MYBPC3: variants seen among roughly 807,000 people sequenced by gnomAD.
MYBPC3 encodes myosin binding protein C3.
In MYBPC3, 108 loss-of-function variants were observed where a neutral mutation model predicts 159.3. That is an observed-to-expected ratio of 0.68 (90% CI 0.58 to 0.80). The LOEUF is 0.80. Ranked by LOEUF, MYBPC3 falls within the 30% of genes least tolerant of loss-of-function variation. The probability of loss-of-function intolerance (pLI) is 0.00; values close to 1 mark genes in which losing one functional copy is unlikely to be tolerated. For synonymous variants in MYBPC3, 730 were observed against 702.0 expected (o/e 1.04, Z -0.63); for missense variants, 1,631 against 1,762.1 (o/e 0.93, Z 1.33).
intron 1 of MYBPC3, among the ~76,000 whole-genome samples, chr11:47,352,139 A>C (rs1256048138): frequency 6.6e-6 from 1 of 152,034 alleles, no homozygotes; most frequent in Non-Finnish European, 1.5e-5. Flanking sequence ...CAGGCTCATG[A>C]AGCAGATAAT....
Position 47,332,509 on chromosome 11 carries a change from CG to C in MYBPC3, c.3627+56del. 1.3e-6 allele frequency: 2 copies of C among 1,573,612 alleles called. No homozygotes were observed. The highest frequency in any genetic ancestry group is 1.7e-6 in the Non-Finnish European group (2 of 1,157,714). ...GGCTGGGGAGAGGACTGCTCAACGT[CG>C]GGGCCTGTGAGCCCTGCCTCCTGGT... On this transcript the variant is annotated intron_variant, in intron 32 of 34. Transcript: ENST00000545968. The surrounding 1 kb of genome is among the most constrained non-coding windows in gnomAD (Gnocchi z 4.2).
chr11:47,343,314 C>A, intron 13 of MYBPC3, 52 bp from the exon 14 acceptor site: 3 of 1,522,936 alleles, frequency 2.0e-6, no homozygotes, highest in Non-Finnish European at 2.6e-6. Context: ...GAAGTGAGCC[C>A]GAGACAAAAG....
intron 19 of MYBPC3, 47 bp downstream of exon 19, chr11:47,341,091 C>A: frequency 1.3e-6 from 2 of 1,565,860 alleles, no homozygotes; most frequent in Non-Finnish European, 1.7e-6. Flanking sequence ...GTGACAGGGG[C>A]TCCTGGCCCC....
chr11:47,347,585 G>T, intron 8 of MYBPC3, 66 bp downstream of exon 8: 2 of 1,558,462 alleles, frequency 1.3e-6, no homozygotes, highest in Non-Finnish European at 1.7e-6. Context: ...GCCAGATTGG[G>T]CTCCCACCCG....
intron 24 of MYBPC3, 47 bp downstream of exon 24, chr11:47,337,643 G>T: frequency 6.2e-7 from 1 of 1,608,672 alleles, no homozygotes; most frequent in South Asian, 1.1e-5. Context: ...CCTTCCCTCG[G>T]ATCTGTTTGG....
At position 47,352,681 on chromosome 11, in the gene MYBPC3, A is replaced by T. The variant is rs2095902050; in HGVS notation, c.-34T>A. The T allele has an allele frequency of 6.4e-7, 1 of 1,574,436 alleles. No homozygotes were observed. Among genetic ancestry groups the T allele is most frequent in the Non-Finnish European group, 8.6e-7 (1 of 1,161,116 alleles). ...ACGTCACACCAGGCACGAAGCAGGC[A>T]CAGGTCACCCAAAGAGGGACTGAGT... On this transcript the variant is annotated 5_prime_UTR_variant, in exon 1 of 35. Coordinates refer to ENST00000545968, the MANE Select transcript of MYBPC3 (RefSeq NM_000256.3).
At chr11:47,350,403 G>A (rs2095899449) in intron 3 of MYBPC3, 99 bp downstream of exon 3, 2 of 1,512,150 alleles carry the variant, frequency 1.3e-6, no homozygotes, top group African/African-American at 1.4e-5. Flanking sequence ...GGGGATTATA[G>A]GCCTGAGCCA....
chr11:47,352,292 C>T (rs943459078), intron 1 of MYBPC3, among the ~76,000 whole-genome samples: 22 of 152,000 alleles, frequency 1.4e-4, no homozygotes, highest in Non-Finnish European at 1.3e-4. Context: ...GGGCTCTGTC[C>T]GCGGGGAACC....
rs1436323948 is a variant in MYBPC3, at chr11:47,333,137, C to T, written c.3330+57G>A. ...TGAGGACAGTGAAGGGTAGCTGCGG[C>T]CTGGGTCTGCCGGGCCTAGGCAGGG... On this transcript the variant is annotated intron_variant, in intron 30 of 34. Transcript: ENST00000545968. 7 of 1,561,962 alleles carry T rather than the reference C, an allele frequency of 4.5e-6. No homozygotes were observed. In the African/African-American group the frequency reaches 8.1e-5, roughly 18 times the overall value.
Position 47,347,699 on chromosome 11 carries a change from G to A in MYBPC3, c.822-19C>T. 1 of 1,565,906 alleles carries A rather than the reference G, an allele frequency of 6.4e-7. No homozygotes were observed. Among genetic ancestry groups the A allele is most frequent in the Non-Finnish European group, 8.7e-7 (1 of 1,155,608 alleles). On this transcript the variant is annotated intron_variant, in intron 7 of 34. Coordinates refer to ENST00000545968, the MANE Select transcript of MYBPC3 (RefSeq NM_000256.3). ...CAGGCTCCTGTGGGGGTTAGACTCA[G>A]TATCCTCACCTGCCTGGGAAGCTTG...
chr11:47,346,162 G>T lies in MYBPC3; in HGVS notation c.1090+45C>A. 2 of 1,610,170 alleles carry T rather than the reference G, an allele frequency of 1.2e-6. No homozygotes were observed. The highest frequency in any genetic ancestry group is 1.7e-6 in the Non-Finnish European group (2 of 1,178,408). ...GCCCTCTCCTCTCCTGTGTAGGGAA[G>T]GGCTAGCCTGTGCCCTCTCCTCTCC... On this transcript the variant is annotated intron_variant, in intron 12 of 34. Coordinates refer to ENST00000545968, the MANE Select transcript of MYBPC3 (RefSeq NM_000256.3). This position sits in a 1 kb window ranked among gnomAD's most constrained non-coding sequence, Gnocchi z 5.3.
chr11:47,342,909 AG>A lies in MYBPC3; in HGVS notation c.1377del (p.Leu460TrpfsTer6), dbSNP rs786204339. The A allele has an allele frequency of 6.2e-7, 1 of 1,612,474 alleles. No homozygotes were observed. The highest frequency in any genetic ancestry group is 2.2e-5 in the East Asian group (1 of 44,844). On this transcript the variant is annotated frameshift_variant, in exon 16 of 35. Coordinates refer to ENST00000545968, the MANE Select transcript of MYBPC3 (RefSeq NM_000256.3). LOFTEE classifies it high-confidence loss of function. ...CCCACCATCACCAGCTGGTCCTCCA[AG>A]GGGCGCGTGATGAGCACAGGGGGCT... is the stretch of plus-strand genomic sequence containing the variant. Reference protein sequence around the residue: ...VKEPPVLITRPLEDQLVMVGQ... With the variant: ...VKEPPVLITRXLEDQLVMVGQ...
rs937023392 is a variant in MYBPC3 at position 47,341,135 on chromosome 11, C to T, written c.1897+3G>A. 10 of 1,588,508 alleles carry T rather than the reference C, an allele frequency of 6.3e-6. No individual in the cohort carries two copies. Among genetic ancestry groups the T allele is most frequent in the Non-Finnish European group, 7.7e-6 (9 of 1,166,248 alleles). On this transcript the variant is annotated splice_donor_region_variant and intron_variant, in intron 19 of 34. Coordinates refer to ENST00000545968, the MANE Select transcript of MYBPC3 (RefSeq NM_000256.3). ...GACCCACCCTACCCTGGAGCAGGCT[C>T]ACCCATGAAGTGGAGCTTGGCTGAC...
Position 47,339,314 on chromosome 11 carries a change from TCTCA to T in MYBPC3, c.2148+6_2148+9del, listed in dbSNP as rs397515949. 8.7e-6 allele frequency: 14 copies of T among 1,613,650 alleles called. No individual in the cohort carries two copies. Among genetic ancestry groups the T allele is most frequent in the Middle Eastern group, 3.3e-4 (2 of 6,082 alleles). On this transcript the variant is annotated splice_donor_region_variant and intron_variant, in intron 22 of 34. Coordinates refer to ENST00000545968, the MANE Select transcript of MYBPC3 (RefSeq NM_000256.3). ...CAAACGAGCCTCCTCCTGACCTCAGTCTCACTCACCTTCTTGTCAAACACCCACT... is the reference window on the plus strand; with the variant it reads ...CAAACGAGCCTCCTCCTGACCTCAGTCTCACCTTCTTGTCAAACACCCACT...
chr11:47,342,734 C>G lies in MYBPC3; in HGVS notation c.1468G>C (p.Gly490Arg), dbSNP rs200625851. The G allele has an allele frequency of 1.2e-6, 2 of 1,613,948 alleles. No homozygotes were observed. The highest frequency in any genetic ancestry group is 8.5e-7 in the Non-Finnish European group (1 of 1,179,834). ...EGAQVKWLKD[G>R]VELTREETFK... ...GTCTCCTCCCGGGTCAGCTCCACCCCGTCCTTCAGCCTAGCCGGGTGGGTG... is the reference window on the plus strand; with the variant it reads ...GTCTCCTCCCGGGTCAGCTCCACCCGGTCCTTCAGCCTAGCCGGGTGGGTG... Residue 490 changes from glycine (G) to arginine (R), a missense_variant, in exon 17 of 35, where the codon GGG becomes CGG. Coordinates refer to ENST00000545968, the MANE Select transcript of MYBPC3 (RefSeq NM_000256.3).
intron 2 of MYBPC3, among the ~76,000 whole-genome samples, chr11:47,350,987 G>A (rs1464012157): frequency 6.6e-6 from 1 of 152,208 alleles, no homozygotes; most frequent in Admixed American, 6.5e-5. Flanking sequence ...AGGTCTGCAG[G>A]GGGAGAGTGG....
At chr11:47,349,576 A>G (rs1178897828) in intron 5 of MYBPC3, among the ~76,000 whole-genome samples, 198 bp downstream of exon 5, 1 of 148,432 alleles carries the variant, frequency 6.7e-6, no homozygotes, top group Non-Finnish European at 1.5e-5. Flanking sequence ...CATGAGCCTC[A>G]TCGCACTCCC....
chr11:47,351,114 G>C lies in MYBPC3; in HGVS notation c.292+125C>G, dbSNP rs1230207520. ...AGGGGGAAAGGGCGTTCCTGGCGGGGGGCACAGCCACAGCAAAGGCAAGAA... is the reference window on the plus strand; with the variant it reads ...AGGGGGAAAGGGCGTTCCTGGCGGGCGGCACAGCCACAGCAAAGGCAAGAA... On this transcript the variant is annotated intron_variant, in intron 2 of 34. Transcript: ENST00000545968. The surrounding 1 kb of genome is among the most constrained non-coding windows in gnomAD (Gnocchi z 4.2). The C allele has an allele frequency of 1.0e-5, 13 of 1,249,878 alleles. No homozygotes were observed. Among genetic ancestry groups the C allele is most frequent in the Admixed American group, 5.9e-5 (2 of 34,130 alleles). The allele number at this position is 1,249,878 out of a possible 1,614,324, so 77.4% of individuals were successfully genotyped here. A position where few individuals can be genotyped will look rare whatever the true frequency, so the allele number is the denominator to read the frequency against.
chr11:47,342,249 C>T (rs2095889461), intron 17 of MYBPC3, 93 bp from the exon 18 acceptor site: 32 of 1,462,494 alleles, frequency 2.2e-5, no homozygotes, highest in South Asian at 1.2e-4. Context: ...GGCGCTGGTG[C>T]GCACGTGTCT....
Sources: gnomAD v4.1 joint callset for allele counts (sites outside exome capture counted in the v4.1 genomes callset) on GRCh38, gnomAD v4.1.1 for gene constraint, Gnocchi (gnomAD v3.1) non-coding constraint, MANE v1.5 for transcripts, NCBI Gene and HGNC (gene_info 2026-07-23, HGNC 2026-07-21) for gene names.